Variants in N4BP2L2 observed in about 807,000 individuals in gnomAD.
The protein encoded by N4BP2L2 is NEDD4 binding protein 2 like 2.
N4BP2L2 carries 50 observed loss-of-function variants against 56.2 expected under a neutral mutation model. The ratio of observed to expected loss-of-function variants is 0.89; its 90% CI spans 0.71 to 1.13. The LOEUF is 1.13. N4BP2L2 is among the 50% of genes most tolerant of loss of function. The probability of loss-of-function intolerance (pLI) is 0.00; values close to 1 mark genes in which losing one functional copy is unlikely to be tolerated. For missense variants in N4BP2L2, 689 were observed against 693.8 expected (o/e 0.99, Z 0.08); for synonymous variants, 203 against 223.6 (o/e 0.91, Z 0.82).
At chr13:32,514,925 G>C (rs947616319) in exon 6 of N4BP2L2, 3 of 152,078 alleles carry the variant, frequency 2.0e-5, no homozygotes, top group African/African-American at 7.2e-5. Context: ...ATCACCTGGG[G>C]TCAGGAGTTC....
intron 1 of N4BP2L2, among the ~76,000 whole-genome samples, chr13:32,537,307 T>C (rs1335776590): frequency 6.6e-6 from 1 of 151,982 alleles, no homozygotes; most frequent in Non-Finnish European, 1.5e-5. Context: ...GATCCATTTC[T>C]GAATTTAGAA....
At chr13:32,534,216 A>G (rs2055884645) in intron 2 of N4BP2L2, among the ~76,000 whole-genome samples, 1 of 152,156 alleles carries the variant, frequency 6.6e-6, no homozygotes, top group Non-Finnish European at 1.5e-5. Context: ...TCATTCTTAT[A>G]TATCTATTTT....
At chr13:32,480,030 C>A (rs936503326) in intron 6 of N4BP2L2, among the ~76,000 whole-genome samples, 1 of 151,792 alleles carries the variant, frequency 6.6e-6, no homozygotes, top group African/African-American at 2.4e-5. Flanking sequence ...TGTAGCAAAT[C>A]CAAAATAGGA....
intron 6 of N4BP2L2, among the ~76,000 whole-genome samples, chr13:32,475,707 C>T (rs1024719462): frequency 2.0e-5 from 3 of 152,088 alleles, no homozygotes; most frequent in Non-Finnish European, 2.9e-5. Flanking sequence ...TGCAGCTCTT[C>T]GTTAGAAAGG....
intron 6 of N4BP2L2, among the ~76,000 whole-genome samples, chr13:32,498,029 G>A (rs2089158349): frequency 6.6e-6 from 1 of 152,000 alleles, no homozygotes; most frequent in African/African-American, 2.4e-5. Context: ...TCTGTCACCT[G>A]GGCTGGAGTG....
intron 6 of N4BP2L2, among the ~76,000 whole-genome samples, chr13:32,467,686 A>G (rs1482434617): frequency 6.6e-6 from 1 of 151,778 alleles, no homozygotes; most frequent in Non-Finnish European, 1.5e-5. Context: ...TGAGGGCTAT[A>G]GTAAATTGAA....
At position 32,481,118 on chromosome 13, in the gene N4BP2L2, C is replaced by CAAAAAAAAAAAAA. The variant is rs60854435; in HGVS notation, c.365+36726_365+36738dup. Among the ~76,000 whole-genome samples the CAAAAAAAAAAAAA allele has an allele frequency of 1.0e-3, 21 of 20,714 alleles. 6 individuals carry two copies. Among genetic ancestry groups the CAAAAAAAAAAAAA allele is most frequent in the African/African-American group, 3.9e-3 (21 of 5,406 alleles). The allele number at this position is 20,714 out of a possible 152,430, so 13.6% of individuals were successfully genotyped here. On this transcript the variant is annotated intron_variant, in intron 6 of 9. Coordinates refer to the N4BP2L2 transcript ENST00000357505. ...TCAGCAACAGAGTGAGACTCTGTCT[C>CAAAAAAAAAAAAA]AAAAAAAAAAAAAAAAAAAAAAAAA...
At chr13:32,435,070 T>G (rs190983083) in intron 9 of N4BP2L2, among the ~76,000 whole-genome samples, 1 of 152,148 alleles carries the variant, frequency 6.6e-6, no homozygotes, top group Non-Finnish European at 1.5e-5. Context: ...TCACTCACTA[T>G]AATCTAACTT....
chr13:32,501,935 G>A (rs909230546), intron 6 of N4BP2L2, among the ~76,000 whole-genome samples: 3 of 152,042 alleles, frequency 2.0e-5, no homozygotes, highest in African/African-American at 7.2e-5. Flanking sequence ...GATAAAAAGG[G>A]ATATGTATCA....
At chr13:32,493,171 C>T (rs140628942) in intron 6 of N4BP2L2, among the ~76,000 whole-genome samples, 4 of 151,840 alleles carry the variant, frequency 2.6e-5, no homozygotes, top group South Asian at 2.1e-4. Context: ...GTGATCCACC[C>T]GCCTCAGCCT....
intron 6 of N4BP2L2, among the ~76,000 whole-genome samples, chr13:32,463,594 G>A (rs1298616361): frequency 1.3e-5 from 2 of 150,498 alleles, no homozygotes; most frequent in East Asian, 2.0e-4. Flanking sequence ...AACCTGGGAG[G>A]CAGAGGTTGC....
At chr13:32,516,932 C>T (rs2049360330) in exon 6 of N4BP2L2, 2 of 982,510 alleles carry the variant, frequency 2.0e-6, no homozygotes, top group Non-Finnish European at 2.4e-6. Flanking sequence ...TGAAGAAACA[C>T]ATCTAAAAAC....
chr13:32,530,118 G>A (rs545991957), intron 2 of N4BP2L2, among the ~76,000 whole-genome samples: 10 of 152,190 alleles, frequency 6.6e-5, no homozygotes, highest in East Asian at 1.9e-4. Flanking sequence ...AAAATAAAAG[G>A]TGGGGGAGCA....
intron 6 of N4BP2L2, among the ~76,000 whole-genome samples, chr13:32,455,580 ACT>A (rs1162334982): frequency 1.3e-5 from 2 of 151,734 alleles, no homozygotes; most frequent in African/African-American, 4.8e-5. Flanking sequence ...AAACCCCCGC[ACT>A]CTCAACACTT....
chr13:32,446,515 G>C lies in N4BP2L2; in HGVS notation c.366-2389C>G, dbSNP rs1327003967. 3 of 1,302,214 alleles carry C rather than the reference G, an allele frequency of 2.3e-6. No homozygotes were observed. In the East Asian group the frequency reaches 1.6e-4, roughly 72 times the overall value. 80.7% of individuals were successfully genotyped at this position (1,302,214 alleles called of 1,614,324 possible). A position where few individuals can be genotyped will look rare whatever the true frequency, so the allele number is the denominator to read the frequency against. ...GGCAAGGAGAAAAAGAACAAATAGA[G>C]TTTGTTGTTGCGTTATTCATTCGAT... On this transcript the variant is annotated intron_variant, in intron 6 of 9. Coordinates refer to the N4BP2L2 transcript ENST00000357505.
At chr13:32,461,836 A>T (rs1008263251) in intron 6 of N4BP2L2, among the ~76,000 whole-genome samples, 2 of 152,178 alleles carry the variant, frequency 1.3e-5, no homozygotes, top group Non-Finnish European at 2.9e-5. Context: ...TCCTGGGCTC[A>T]AGCAATCCTC....
chr13:32,523,826 G>A (rs996739548), intron 3 of N4BP2L2: 1 of 152,190 alleles, frequency 6.6e-6, no homozygotes, highest in African/African-American at 2.4e-5. Context: ...GGTGGGAAGG[G>A]AGTGAGGGAT....
At chr13:32,538,792 T>C (rs1450986338), upstream of N4BP2L2, 23 of 985,338 alleles carry the variant, frequency 2.3e-5, no homozygotes, top group Non-Finnish European at 2.5e-5. Flanking sequence ...GTACGCAAGA[T>C]GGCGGTCACC....
intron 6 of N4BP2L2, among the ~76,000 whole-genome samples, chr13:32,481,557 T>C (rs2084753158): frequency 6.6e-6 from 1 of 152,212 alleles, no homozygotes; most frequent in South Asian, 2.1e-4. Flanking sequence ...AGTATACGTA[T>C]GTACATGTAT....
Sources: allele counts gnomAD v4.1 joint callset (sites outside exome capture counted in the v4.1 genomes callset), GRCh38; gene constraint gnomAD v4.1.1; transcripts MANE v1.5; gene names NCBI Gene and HGNC (gene_info 2026-07-23, HGNC 2026-07-21).